Variants in MAF observed in about 807,000 individuals in gnomAD.
The protein encoded by MAF is transcription factor Maf.
Under a neutral mutation model 22.0 loss-of-function variants are expected in MAF, and 10 were observed. The ratio of observed to expected loss-of-function variants is 0.45; its 90% CI spans 0.28 to 0.77. The LOEUF (loss-of-function observed/expected upper bound fraction) is 0.77, where lower values mean the gene tolerates loss of function less well. MAF is among the 30% of genes least tolerant of loss of function. The pLI is 0.12. For synonymous variants in MAF, 337 were observed against 255.8 expected, an observed-to-expected ratio of 1.32 and a Z score of -3.03; for missense variants, 544 against 548.4, an observed-to-expected ratio of 0.99 and a Z score of 0.08.
At chr16:79,562,552 C>G in the MAF span, among the ~76,000 whole-genome samples, 1 of 152,214 alleles carries the variant, frequency 6.6e-6, no homozygotes, top group Non-Finnish European at 1.5e-5. Context: ...CATCTACACC[C>G]TGGCTGCCAA....
chr16:79,205,543 C>T, the MAF span: 1 of 152,210 alleles, frequency 6.6e-6, no homozygotes, highest in Non-Finnish European at 1.5e-5. Flanking sequence ...CTTTCTCACA[C>T]TTCTAAAGCC....
the MAF span, among the ~76,000 whole-genome samples, chr16:79,423,362 G>T: frequency 6.6e-6 from 1 of 152,142 alleles, no homozygotes; most frequent in Non-Finnish European, 1.5e-5. Flanking sequence ...GCGTGTCCAA[G>T]ATGTGGAAGA....
chr16:79,535,584 T>TGC, the MAF span, among the ~76,000 whole-genome samples: 4 of 75,078 alleles, frequency 5.3e-5, no homozygotes, highest in South Asian at 2.2e-3. Context: ...GCATTGCTTC[T>TGC]TCTTTTTTTT....
the MAF span, among the ~76,000 whole-genome samples, chr16:79,517,138 G>A: frequency 1.1e-4 from 17 of 151,868 alleles, no homozygotes; most frequent in Non-Finnish European, 2.1e-4. Flanking sequence ...AGTTTATACT[G>A]TAGATTCTAT....
At chr16:79,527,141 G>A in the MAF span, among the ~76,000 whole-genome samples, 1 of 152,104 alleles carries the variant, frequency 6.6e-6, no homozygotes. Flanking sequence ...TAGTGAACTT[G>A]CCTATTTCCA....
At chr16:79,497,663 T>G in the MAF span, among the ~76,000 whole-genome samples, 1 of 152,236 alleles carries the variant, frequency 6.6e-6, no homozygotes, top group Non-Finnish European at 1.5e-5. Flanking sequence ...ATCCTTGTCA[T>G]GCTTTGAACC....
the MAF span, among the ~76,000 whole-genome samples, chr16:79,524,239 C>T: frequency 3.3e-5 from 5 of 152,146 alleles, no homozygotes; most frequent in Admixed American, 6.5e-5. Flanking sequence ...TTAACCCTTC[C>T]GCAGGGGGAG....
At chr16:79,263,036 G>C in the MAF span, among the ~76,000 whole-genome samples, 1 of 152,160 alleles carries the variant, frequency 6.6e-6, no homozygotes, top group African/African-American at 2.4e-5. Flanking sequence ...GGATGTGACT[G>C]ATATTTTCCA....
At chr16:79,450,947 C>G in the MAF span, among the ~76,000 whole-genome samples, 1 of 151,818 alleles carries the variant, frequency 6.6e-6, no homozygotes, top group Non-Finnish European at 1.5e-5. Flanking sequence ...CTGATGTCTC[C>G]TTTTTTCACG....
intron 1 of MAF, chr16:79,596,835 T>C (rs1913556540): frequency 7.6e-6 from 8 of 1,049,700 alleles, no homozygotes; most frequent in Non-Finnish European, 9.2e-6. Context: ...TGTGCAGTAA[T>C]GCCATTTTTA....
the MAF span, among the ~76,000 whole-genome samples, chr16:79,549,262 T>A: frequency 6.6e-6 from 1 of 152,072 alleles, no homozygotes; most frequent in African/African-American, 2.4e-5. Flanking sequence ...GAGTGATACA[T>A]CAGCTCATTG....
At chr16:79,483,323 C>G in the MAF span, among the ~76,000 whole-genome samples, 3 of 134,630 alleles carry the variant, frequency 2.2e-5, no homozygotes, top group African/African-American at 8.6e-5. Flanking sequence ...TGAACAAACA[C>G]TGTGTGAGGA....
chr16:79,509,171 G>A, the MAF span, among the ~76,000 whole-genome samples: 2 of 152,314 alleles, frequency 1.3e-5, no homozygotes, highest in African/African-American at 4.8e-5. Flanking sequence ...CTGCCTTGGT[G>A]AAACCATCTC....
At chr16:79,501,041 G>C in the MAF span, among the ~76,000 whole-genome samples, 14 of 152,308 alleles carry the variant, frequency 9.2e-5, no homozygotes, top group East Asian at 2.7e-3. Context: ...TCCATAAAGG[G>C]ATCCTGTAAC....
chr16:79,235,693 G>T, the MAF span, among the ~76,000 whole-genome samples: 1 of 152,024 alleles, frequency 6.6e-6, no homozygotes, highest in East Asian at 1.9e-4. Flanking sequence ...GTTAGCAATG[G>T]TTGACAATTC....
chr16:79,587,362 C>A (rs943843028), intron 1 of MAF, among the ~76,000 whole-genome samples: 16 of 151,922 alleles, frequency 1.1e-4, no homozygotes, highest in African/African-American at 3.9e-4. Flanking sequence ...GTATCAGTAT[C>A]AGTTGTTCTC....
At chr16:79,495,104 GT>G in the MAF span, among the ~76,000 whole-genome samples, 42 of 152,178 alleles carry the variant, frequency 2.8e-4, no homozygotes, top group Non-Finnish European at 5.6e-4. Flanking sequence ...GTAGTTTACA[GT>G]TTTTACAGAG....
the MAF span, among the ~76,000 whole-genome samples, chr16:79,326,732 A>G: frequency 1.3e-5 from 2 of 152,156 alleles, no homozygotes; most frequent in South Asian, 4.1e-4. Context: ...TTCCAATAAA[A>G]CTTTATTTAC....
At chr16:79,279,592 A>C in the MAF span, among the ~76,000 whole-genome samples, 1 of 152,030 alleles carries the variant, frequency 6.6e-6, no homozygotes, top group Admixed American at 6.6e-5. Flanking sequence ...AGGGACATTC[A>C]AGCACTGACC....
Sources: gnomAD v4.1 joint callset for allele counts (sites outside exome capture counted in the v4.1 genomes callset) on GRCh38, gnomAD v4.1.1 for gene constraint, MANE v1.5 for transcripts, NCBI Gene and HGNC (gene_info 2026-07-23, HGNC 2026-07-21) for gene names.